Variants in LHFPL4 observed in about 807,000 individuals in gnomAD.
LHFPL4 encodes LHFPL tetraspan subfamily member 4, also known as LHFPL tetraspan subfamily member 4 protein.
LHFPL4 carries 6 observed loss-of-function variants against 20.0 expected under a neutral mutation model. The observed-to-expected ratio is 0.30, with a 90% CI of 0.16 to 0.59. The LOEUF (loss-of-function observed/expected upper bound fraction) is 0.59, where lower values mean the gene tolerates loss of function less well. LHFPL4 is among the 20% of genes least tolerant of loss of function. The pLI is 0.88. For missense variants in LHFPL4, 215 were observed against 331.2 expected (o/e 0.65, Z 2.72); for synonymous variants, 129 against 143.8 (o/e 0.90, Z 0.74).
chr3:9,546,035 C>T (rs1393775817), intron 2 of LHFPL4, among the ~76,000 whole-genome samples: 1 of 152,088 alleles, frequency 6.6e-6, no homozygotes, highest in Non-Finnish European at 1.5e-5. Flanking sequence ...ACATCTGGGC[C>T]AGGTGCAGTG....
intron 2 of LHFPL4, among the ~76,000 whole-genome samples, chr3:9,518,403 G>A (rs1207357901): frequency 6.6e-6 from 1 of 152,128 alleles, no homozygotes; most frequent in Non-Finnish European, 1.5e-5. Flanking sequence ...TATAGTATTA[G>A]TGTAATGCTG....
intron 2 of LHFPL4, among the ~76,000 whole-genome samples, chr3:9,516,505 ACT>A (rs1343348693): frequency 1.2e-4 from 18 of 149,784 alleles, no homozygotes; most frequent in Admixed American, 3.3e-4. Flanking sequence ...TTGGAGTCTC[ACT>A]CTGTTGCCCA....
chr3:9,541,166 A>G (rs544471071), intron 2 of LHFPL4, among the ~76,000 whole-genome samples: 1 of 151,626 alleles, frequency 6.6e-6, no homozygotes, highest in South Asian at 2.1e-4. Flanking sequence ...CTGGTCTCGA[A>G]CTCCTGGCCT....
At chr3:9,520,893 G>A (rs561020754) in intron 2 of LHFPL4, among the ~76,000 whole-genome samples, 12 of 152,110 alleles carry the variant, frequency 7.9e-5, no homozygotes, top group Non-Finnish European at 1.6e-4. Context: ...GCTGTCACAT[G>A]AAGTAGTTTA....
At chr3:9,523,418 G>T (rs2046353137) in intron 2 of LHFPL4, among the ~76,000 whole-genome samples, 1 of 149,440 alleles carries the variant, frequency 6.7e-6, no homozygotes, top group South Asian at 2.1e-4. Context: ...AAAAGAAAAA[G>T]AAAAGTCTGT....
At position 9,511,919 on chromosome 3, in the gene LHFPL4, C is replaced by T. The variant is rs190786449; in HGVS notation, c.407-5716G>A. ...CCTCCACAGGAGGCTTGGCTGCATC[C>T]TTTACATGGCGACTGTTTTTTTTTT... On this transcript the variant is annotated intron_variant, in intron 2 of 3. Transcript: ENST00000287585. 5.2e-3 allele frequency among the ~76,000 whole-genome samples: 773 copies of T among 148,238 alleles called. 1 individual carries two copies. The highest frequency in any genetic ancestry group is 9.2e-3 in the Non-Finnish European group (619 of 67,486).
In LHFPL4 at chr3:9,552,529, C is replaced by A. The variant is rs373908621; in HGVS notation, c.151G>T (p.Val51Leu). The A allele has an allele frequency of 1.2e-5, 20 of 1,613,806 alleles. No individual in the cohort carries two copies. The highest frequency in any genetic ancestry group is 1.7e-5 in the Non-Finnish European group (20 of 1,179,988). ...AAGTAGCCAGGCTTGGGGGTGCTCA[C>A]GCTGTCGCCCACCCAGTAGGGCTGG... The part of the protein sequence containing the change: ...FIQPYWVGDS[V>L]STPKPGYFGL... Residue 51 changes from valine (V) to leucine (L), a missense_variant, in exon 2 of 4, where the codon GTG (valine) becomes TTG (leucine). Physicochemically the swap from Val to Leu is conservative, Grantham distance 32. Coordinates refer to ENST00000287585, the MANE Select transcript of LHFPL4 (RefSeq NM_198560.3).
intron 2 of LHFPL4, among the ~76,000 whole-genome samples, chr3:9,533,926 G>A (rs924227719): frequency 1.3e-5 from 2 of 151,852 alleles, no homozygotes; most frequent in African/African-American, 4.8e-5. Flanking sequence ...AAAAAAGGTT[G>A]CATAGGGTCG....
At chr3:9,525,118 T>A (rs994311587) in intron 2 of LHFPL4, among the ~76,000 whole-genome samples, 2 of 152,190 alleles carry the variant, frequency 1.3e-5, no homozygotes, top group African/African-American at 4.8e-5. Context: ...ACCTAGTTTC[T>A]CCCAAGGACA....
intron 2 of LHFPL4, among the ~76,000 whole-genome samples, chr3:9,534,946 G>A (rs954912040): frequency 1.1e-4 from 16 of 152,202 alleles, no homozygotes; most frequent in Middle Eastern, 3.4e-3. Flanking sequence ...AAGAAAGAGG[G>A]AGGGGAAGAC....
At chr3:9,514,679 A>G (rs2046286101) in intron 2 of LHFPL4, among the ~76,000 whole-genome samples, 1 of 152,050 alleles carries the variant, frequency 6.6e-6, no homozygotes, top group African/African-American at 2.4e-5. Flanking sequence ...CCTCCTCCCA[A>G]CCGTGGGCAA....
At chr3:9,535,355 G>C (rs1416717800) in intron 2 of LHFPL4, among the ~76,000 whole-genome samples, 1 of 152,160 alleles carries the variant, frequency 6.6e-6, no homozygotes, top group African/African-American at 2.4e-5. Flanking sequence ...GGACACTGAG[G>C]TGCAAGACGT....
At position 9,516,472 on chromosome 3, in the gene LHFPL4, C is replaced by CT. The variant is rs886595955; in HGVS notation, c.407-10270dup. 9.9e-4 allele frequency among the ~76,000 whole-genome samples: 145 copies of CT among 146,510 alleles called. No individual in the cohort carries two copies. In the East Asian group the frequency reaches 0.018, roughly 18 times the overall value. On this transcript the variant is annotated intron_variant, in intron 2 of 3. Transcript: ENST00000287585. ...CGTTCTTTCACCAGTACCACACTGTCTTTTTTTTTTTCTCTTGAGACGTTG... is the reference window on the plus strand; with the variant it reads ...CGTTCTTTCACCAGTACCACACTGTCTTTTTTTTTTTTCTCTTGAGACGTTG...
At chr3:9,505,066 GC>G (rs1284689565) in intron 3 of LHFPL4, among the ~76,000 whole-genome samples, 1 of 151,882 alleles carries the variant, frequency 6.6e-6, no homozygotes, top group East Asian at 1.9e-4. Context: ...TATTTATCCG[GC>G]CTCCTGTCCA....
intron 2 of LHFPL4, among the ~76,000 whole-genome samples, chr3:9,550,120 A>G (rs2046544089): frequency 6.6e-6 from 1 of 152,238 alleles, no homozygotes; most frequent in Non-Finnish European, 1.5e-5. Flanking sequence ...AGGCTTACTT[A>G]ACACTGCATG....
chr3:9,537,774 C>T (rs542499903), intron 2 of LHFPL4, among the ~76,000 whole-genome samples: 1 of 152,132 alleles, frequency 6.6e-6, no homozygotes. Context: ...CTTAAGGTTG[C>T]TGTTCCCTAG....
At chr3:9,528,256 C>A (rs188404647) in intron 2 of LHFPL4, among the ~76,000 whole-genome samples, 1 of 152,290 alleles carries the variant, frequency 6.6e-6, no homozygotes, top group African/African-American at 2.4e-5. Flanking sequence ...TTAAATGCTA[C>A]TCCTGCTTTA....
chr3:9,523,422 A>C (rs2125660598), intron 2 of LHFPL4, among the ~76,000 whole-genome samples: 1 of 149,866 alleles, frequency 6.7e-6, no homozygotes, highest in South Asian at 2.1e-4. Context: ...GAAAAAGAAA[A>C]GTCTGTTTGT....
At chr3:9,509,046 G>A (rs2046239654) in intron 2 of LHFPL4, among the ~76,000 whole-genome samples, 1 of 152,206 alleles carries the variant, frequency 6.6e-6, no homozygotes, top group Non-Finnish European at 1.5e-5. Context: ...AACCGGGCCT[G>A]CATCCCGGCG....
Sources: gnomAD v4.1 joint callset for allele counts (sites outside exome capture counted in the v4.1 genomes callset) on GRCh38, gnomAD v4.1.1 for gene constraint, MANE v1.5 for transcripts, NCBI Gene and HGNC (gene_info 2026-07-23, HGNC 2026-07-21) for gene names.